The following LINGO2 variants were observed in gnomAD, a reference collection of about 807,000 sequenced individuals.
LINGO2 encodes leucine rich repeat and Ig domain containing 2.
Under a neutral mutation model 30.6 loss-of-function variants are expected in LINGO2, and 14 were observed. The observed-to-expected ratio is 0.46, with a 90% CI of 0.30 to 0.72. LINGO2 has a LOEUF of 0.72. LINGO2 is among the 30% of genes least tolerant of loss of function. The probability of loss-of-function intolerance (pLI) is 0.07; values close to 1 mark genes in which losing one functional copy is unlikely to be tolerated. For synonymous variants in LINGO2, 317 were observed against 288.5 expected (o/e 1.10, Z -1.00); for missense variants, 729 against 751.7 (o/e 0.97, Z 0.35).
the LINGO2 span, among the ~76,000 whole-genome samples, chr9:28,774,618 T>C: frequency 6.6e-6 from 1 of 152,078 alleles, no homozygotes; most frequent in Non-Finnish European, 1.5e-5. Context: ...GCAATTAAAC[T>C]TTTCTGGCAC....
intron 4 of LINGO2, among the ~76,000 whole-genome samples, chr9:28,173,139 T>C (rs1207498792): frequency 6.6e-6 from 1 of 151,944 alleles, no homozygotes; most frequent in African/African-American, 2.4e-5. Context: ...TCAAGGTCTG[T>C]TATATATATA....
chr9:29,187,607 A>G, the LINGO2 span, among the ~76,000 whole-genome samples: 37 of 152,318 alleles, frequency 2.4e-4, no homozygotes, highest in Non-Finnish European at 5.0e-4. Context: ...GTTTCAAACT[A>G]TAACTTTGCA....
At position 27,984,074 on chromosome 9, in the gene LINGO2, G is replaced by A. The variant is rs2118946661; in HGVS notation, c.-36+28281C>T. On this transcript the variant is annotated intron_variant, in intron 5 of 5. Coordinates refer to ENST00000379992, the Ensembl canonical transcript of LINGO2. ...AGAAAGGCAGCTTATACTGTGTGGGGCAGTGGACTGGGAAGAACAAACAGA... is the reference window on the plus strand; with the variant it reads ...AGAAAGGCAGCTTATACTGTGTGGGACAGTGGACTGGGAAGAACAAACAGA... 1.3e-5 allele frequency among the ~76,000 whole-genome samples: 2 copies of A among 151,992 alleles called. 1 individual carries two copies. Among genetic ancestry groups the A allele is most frequent in the South Asian group, 4.1e-4 (2 of 4,826 alleles).
In LINGO2 at chr9:28,104,266, G is replaced by GTTTTTTTTTTTT. The variant is rs74180789; in HGVS notation, c.-86-91873_-86-91862dup. Among the ~76,000 whole-genome samples the GTTTTTTTTTTTT allele has an allele frequency of 8.2e-3, 795 of 96,804 alleles. 3 individuals are homozygous for GTTTTTTTTTTTT. The highest frequency in any genetic ancestry group is 9.9e-3 in the Non-Finnish European group (513 of 52,054). The allele number at this position is 96,804 out of a possible 152,430, so 63.5% of individuals were successfully genotyped here. A position where few individuals can be genotyped will look rare whatever the true frequency, so the allele number is the denominator to read the frequency against. On this transcript the variant is annotated intron_variant, in intron 4 of 5. Coordinates refer to ENST00000379992, the Ensembl canonical transcript of LINGO2. ...TTTCCCCAGTACAAGTTTTTTGTTT[G>GTTTTTTTTTTTT]TTTTTTTTTTTTTTTTTTTTGCTTT...
chr9:28,078,446 T>A (rs1825686119), intron 4 of LINGO2, among the ~76,000 whole-genome samples: 1 of 148,594 alleles, frequency 6.7e-6, no homozygotes. Flanking sequence ...AATAGACTAT[T>A]TTTTTTTAGG....
chr9:28,694,945 CCTGA>C, the LINGO2 span, among the ~76,000 whole-genome samples: 6 of 147,692 alleles, frequency 4.1e-5, no homozygotes, highest in South Asian at 2.2e-4. Context: ...TTTCCATTAT[CCTGA>C]CTGTTTTTTT....
chr9:29,188,172 G>A, the LINGO2 span, among the ~76,000 whole-genome samples: 6 of 151,450 alleles, frequency 4.0e-5, no homozygotes, highest in Admixed American at 6.6e-5. Context: ...GCGGCCTTCC[G>A]CAGTGTTTGT....
chr9:28,963,305 T>C, the LINGO2 span, among the ~76,000 whole-genome samples: 1 of 151,950 alleles, frequency 6.6e-6, no homozygotes, highest in Admixed American at 6.6e-5. Flanking sequence ...ATATAGCTAA[T>C]GGCTATCTAA....
chr9:28,523,039 T>C (rs1194266212), intron 1 of LINGO2, among the ~76,000 whole-genome samples: 1 of 151,192 alleles, frequency 6.6e-6, no homozygotes, highest in African/African-American at 2.4e-5. Flanking sequence ...ATATAAGAGA[T>C]TAGGCGAAGA....
At chr9:28,250,558 A>G (rs1013160716) in intron 4 of LINGO2, among the ~76,000 whole-genome samples, 2 of 152,168 alleles carry the variant, frequency 1.3e-5, no homozygotes, top group Non-Finnish European at 2.9e-5. Flanking sequence ...TTTAGACTTT[A>G]ATAACTCTGC....
chr9:28,432,557 T>C (rs115305411), intron 2 of LINGO2, among the ~76,000 whole-genome samples: 1,841 of 152,120 alleles, frequency 0.012, 39 homozygotes, highest in African/African-American at 0.04. Flanking sequence ...CTGTGATTGA[T>C]TTTGTGGCAA....
At chr9:28,635,176 T>C (rs967672612) in intron 1 of LINGO2, among the ~76,000 whole-genome samples, 3 of 152,254 alleles carry the variant, frequency 2.0e-5, no homozygotes, top group Non-Finnish European at 4.4e-5. Flanking sequence ...ATTTTGCTGT[T>C]CTTATTCTAC....
intron 1 of LINGO2, among the ~76,000 whole-genome samples, chr9:28,543,427 G>A (rs1039444657): frequency 3.3e-5 from 5 of 152,116 alleles, no homozygotes; most frequent in South Asian, 2.1e-4. Context: ...TCAAGCGCAA[G>A]ATCTCTTCAT....
chr9:28,154,745 G>A (rs768993595), intron 4 of LINGO2, among the ~76,000 whole-genome samples: 12 of 152,166 alleles, frequency 7.9e-5, no homozygotes, highest in Non-Finnish European at 1.5e-4. Flanking sequence ...CGCTTACTGA[G>A]ATAATAATAT....
chr9:29,177,971 T>A, the LINGO2 span, among the ~76,000 whole-genome samples: 58 of 152,114 alleles, frequency 3.8e-4, no homozygotes, highest in Non-Finnish European at 7.1e-4. Context: ...CCTCTCACCT[T>A]CTCTTCCACT....
At chr9:27,997,947 C>CT (rs1224189365) in intron 5 of LINGO2, among the ~76,000 whole-genome samples, 2 of 34,214 alleles carry the variant, frequency 5.8e-5, no homozygotes, top group Non-Finnish European at 1.1e-4. Flanking sequence ...TCACATGAGC[C>CT]TTTTTTTGGG....
chr9:28,411,153 A>G (rs1822745246), intron 2 of LINGO2, among the ~76,000 whole-genome samples: 1 of 124,092 alleles, frequency 8.1e-6, no homozygotes. Context: ...AAATAAATGT[A>G]TGGATTTTTT....
At chr9:29,191,322 A>C in the LINGO2 span, among the ~76,000 whole-genome samples, 1 of 152,188 alleles carries the variant, frequency 6.6e-6, no homozygotes, top group East Asian at 1.9e-4. Flanking sequence ...GAACTTAAGA[A>C]TTTCTAACAT....
At chr9:27,948,758 C>T (rs1823469488) in exon 6 of LINGO2, 2 of 1,402,340 alleles carry the variant, frequency 1.4e-6, no homozygotes, top group Non-Finnish European at 1.9e-6. Flanking sequence ...GGCAGCTGCA[C>T]ATGGCTGCCT....
Sources: allele counts gnomAD v4.1 joint callset (sites outside exome capture counted in the v4.1 genomes callset), GRCh38; gene constraint gnomAD v4.1.1; transcripts MANE v1.5; gene names NCBI Gene and HGNC (gene_info 2026-07-23, HGNC 2026-07-21).